The following ROBO2 variants were observed in gnomAD, a reference collection of about 807,000 sequenced individuals.
ROBO2 encodes the protein roundabout guidance receptor 2.
Under a neutral mutation model 160.8 loss-of-function variants are expected in ROBO2, and 53 were observed. The observed-to-expected ratio is 0.33, with a 90% CI of 0.26 to 0.41. The LOEUF (loss-of-function observed/expected upper bound fraction) is 0.41, where lower values mean the gene tolerates loss of function less well. Among genes scored for constraint, ROBO2 ranks in the 10% least tolerant of loss-of-function variants. The pLI, the probability that ROBO2 is intolerant of heterozygous loss-of-function variation, is 1.00. For missense variants in ROBO2, 1,577 were observed against 1,722.4 expected (o/e 0.92, Z 1.49); for synonymous variants, 664 against 611.7 (o/e 1.09, Z -1.26).
intron 2 of ROBO2, among the ~76,000 whole-genome samples, chr3:76,046,466 G>A (rs1048515405): frequency 6.6e-6 from 1 of 151,818 alleles, no homozygotes; most frequent in African/African-American, 2.4e-5. Context: ...CGGCTAACGC[G>A]GTGAAGCCCC....
intron 2 of ROBO2, among the ~76,000 whole-genome samples, chr3:77,015,103 G>A (rs997285655): frequency 5.3e-5 from 8 of 151,874 alleles, no homozygotes; most frequent in Non-Finnish European, 1.0e-4. Context: ...CAGTGTTTCA[G>A]GAAAAATCTT....
At chr3:76,463,826 G>C (rs1408196697) in intron 2 of ROBO2, among the ~76,000 whole-genome samples, 1 of 152,104 alleles carries the variant, frequency 6.6e-6, no homozygotes, top group South Asian at 2.1e-4. Flanking sequence ...TTGCAATTTC[G>C]AGCTCAACAG....
intron 2 of ROBO2, among the ~76,000 whole-genome samples, chr3:76,819,857 T>C (rs946945453): frequency 4.6e-5 from 7 of 152,118 alleles, no homozygotes; most frequent in African/African-American, 7.2e-5. Flanking sequence ...GCAGTTTCAA[T>C]TGGGACCTGT....
Position 77,452,515 on chromosome 3 carries a change from A to G in ROBO2, c.389-24899A>G, listed in dbSNP as rs562499550. ...ATCCCCCAGGTACCCCTTTGCTATC[A>G]CTGGAAGTGGACACCAATTATACAT... On this transcript the variant is annotated intron_variant, in intron 2 of 25. Coordinates refer to ENST00000461745, the Ensembl canonical transcript of ROBO2. 1.2e-4 allele frequency among the ~76,000 whole-genome samples: 18 copies of G among 152,276 alleles called. No individual in the cohort carries two copies. In the East Asian group the frequency reaches 3.1e-3, roughly 26 times the overall value.
chr3:77,103,525 T>C (rs568924847), intron 2 of ROBO2, among the ~76,000 whole-genome samples: 1 of 152,330 alleles, frequency 6.6e-6, no homozygotes, highest in African/African-American at 2.4e-5. Flanking sequence ...AGTTGGCTTT[T>C]GATGCAGTTA....
intron 2 of ROBO2, among the ~76,000 whole-genome samples, chr3:76,009,312 C>G (rs2066126746): frequency 6.6e-6 from 1 of 152,144 alleles, no homozygotes; most frequent in African/African-American, 2.4e-5. Context: ...ACCGTGTCAG[C>G]CAGGATGGTC....
At chr3:76,358,070 CA>C (rs2108355298) in intron 2 of ROBO2, among the ~76,000 whole-genome samples, 1 of 151,934 alleles carries the variant, frequency 6.6e-6, no homozygotes, top group Admixed American at 6.6e-5. Context: ...AATTAAGATA[CA>C]ATACTCTAAG....
rs114037567 is a variant in ROBO2 at position 77,314,763 on chromosome 3, G to A, written c.389-162651G>A. ...TATATCAAGCCATTGAGGATGGGAG[G>A]GCAGACAGAGAAAATTATTTCCCAA... On this transcript the variant is annotated intron_variant, in intron 2 of 25. Transcript: ENST00000461745. Among the ~76,000 whole-genome samples, 1,401 of 152,116 alleles carry A rather than the reference G, an allele frequency of 9.2e-3. 24 individuals carry two copies. The highest frequency in any genetic ancestry group is 0.032 in the African/African-American group (1,339 of 41,492).
At chr3:77,108,845 C>A (rs191209999) in intron 2 of ROBO2, among the ~76,000 whole-genome samples, 110 of 152,112 alleles carry the variant, frequency 7.2e-4, no homozygotes, top group African/African-American at 2.5e-3. Context: ...ATTTAAATAG[C>A]GAGGTAGAAA....
intron 2 of ROBO2, among the ~76,000 whole-genome samples, chr3:75,965,753 A>G (rs1306120829): frequency 2.6e-5 from 4 of 151,698 alleles, no homozygotes; most frequent in Non-Finnish European, 3.0e-5. Flanking sequence ...AGATGACCAA[A>G]GCACATGATT....
intron 1 of ROBO2, among the ~76,000 whole-genome samples, chr3:77,086,661 A>G (rs1406931993): frequency 6.6e-6 from 1 of 152,112 alleles, no homozygotes; most frequent in Non-Finnish European, 1.5e-5. Context: ...CAAATTCTGT[A>G]GTAAATGAAT....
intron 2 of ROBO2, among the ~76,000 whole-genome samples, chr3:76,707,414 A>G (rs2093188526): frequency 6.6e-6 from 1 of 152,090 alleles, no homozygotes; most frequent in African/African-American, 2.4e-5. Flanking sequence ...TAAGATTCTT[A>G]GAAATGGACA....
chr3:76,527,229 A>G (rs145420179), intron 2 of ROBO2, among the ~76,000 whole-genome samples: 3,934 of 152,250 alleles, frequency 0.026, 66 homozygotes, highest in Admixed American at 0.038. Context: ...ATAAAAATAC[A>G]TAAGACTTAA....
chr3:76,153,151 A>G (rs2072272955), intron 2 of ROBO2, among the ~76,000 whole-genome samples: 1 of 152,194 alleles, frequency 6.6e-6, no homozygotes, highest in African/African-American at 2.4e-5. Context: ...TATGTAAAGT[A>G]AGGGAAAGAG....
At chr3:75,967,642 G>A (rs1474495633) in intron 2 of ROBO2, among the ~76,000 whole-genome samples, 1 of 151,492 alleles carries the variant, frequency 6.6e-6, no homozygotes, top group African/African-American at 2.4e-5. Flanking sequence ...AAATAATACT[G>A]TTAGAAGGCA....
intron 2 of ROBO2, among the ~76,000 whole-genome samples, chr3:76,715,192 C>T (rs1432946200): frequency 6.6e-6 from 1 of 151,998 alleles, no homozygotes; most frequent in Non-Finnish European, 1.5e-5. Flanking sequence ...TAGGTGTTCC[C>T]ACAGGATCTT....
intron 2 of ROBO2, among the ~76,000 whole-genome samples, chr3:77,284,029 A>C (rs1256142031): frequency 6.6e-6 from 1 of 152,176 alleles, no homozygotes; most frequent in Non-Finnish European, 1.5e-5. Context: ...CAATATTTTC[A>C]TTCTTTAAAT....
chr3:76,310,669 C>T (rs2071536505), intron 2 of ROBO2, among the ~76,000 whole-genome samples: 2 of 152,144 alleles, frequency 1.3e-5, no homozygotes, highest in African/African-American at 4.8e-5. Flanking sequence ...TGCCTGAATC[C>T]TCGTCTATCC....
intron 2 of ROBO2, among the ~76,000 whole-genome samples, chr3:77,373,329 T>TA (rs1427897423): frequency 6.6e-6 from 1 of 151,724 alleles, no homozygotes; most frequent in Non-Finnish European, 1.5e-5. Flanking sequence ...TCAGTGATTT[T>TA]AAAAAATATA....
Sources: allele counts gnomAD v4.1 joint callset (sites outside exome capture counted in the v4.1 genomes callset), GRCh38; gene constraint gnomAD v4.1.1; transcripts MANE v1.5; gene names NCBI Gene and HGNC (gene_info 2026-07-23, HGNC 2026-07-21).